Variants in H3-4 observed in about 807,000 individuals in gnomAD.
H3-4 encodes the protein histone H3.1t.
In H3-4, 6 loss-of-function variants were observed where a neutral mutation model predicts 3.8. The observed-to-expected ratio is 1.59, with a 90% CI of 0.87 to 3.13. The LOEUF is 3.13. Among genes scored for constraint, H3-4 ranks in the 30% most tolerant of loss-of-function variants. H3-4 has a pLI of 0.00. For missense variants in H3-4, 298 were observed against 202.4 expected (o/e 1.47, Z -2.87); for synonymous variants, 138 against 86.5 (o/e 1.60, Z -3.30).
In H3-4 at chr1:228,425,348, C is replaced by A; in HGVS notation, c.-23G>T. The A allele has an allele frequency of 1.2e-6, 2 of 1,613,668 alleles. No individual in the cohort carries two copies. Among genetic ancestry groups the A allele is most frequent in the Non-Finnish European group, 1.7e-6 (2 of 1,179,700 alleles). ...CATGAATCCGAAACTGTTGGCCCCG[C>A]GGTGTCCTCTGCCCAGACCTCAGCG... is the stretch of plus-strand genomic sequence containing the variant. On this transcript the variant is annotated 5_prime_UTR_variant, in exon 1 of 1. Transcript: ENST00000366696.
Position 228,424,897 on chromosome 1 carries a change from G to A in H3-4, c.*18C>T, listed in dbSNP as rs1266493220. 8.7e-6 allele frequency: 14 copies of A among 1,614,046 alleles called. No individual in the cohort carries two copies. Among genetic ancestry groups the A allele is most frequent in the Non-Finnish European group, 1.2e-5 (14 of 1,180,008 alleles). ...GGGGTGAACGTTGCGCAACCTCTCAGGTGGCGAGATAGCCCTCCTAGGCCC... is the reference window on the plus strand; with the variant it reads ...GGGGTGAACGTTGCGCAACCTCTCAAGTGGCGAGATAGCCCTCCTAGGCCC... On this transcript the variant is annotated 3_prime_UTR_variant, in exon 1 of 1. Coordinates refer to ENST00000366696, the MANE Select transcript of H3-4 (RefSeq NM_003493.3).
Position 228,425,313 on chromosome 1 carries a change from T to C in H3-4, c.13A>G (p.Lys5Glu), listed in dbSNP as rs1422648667. The change falls in exon 1 of 1, where the codon AAG becomes GAG. Residue 5 changes from lysine to glutamate, a missense_variant. Physicochemically the swap from Lys to Glu is moderately conservative, Grantham distance 56. Transcript: ENST00000366696. MARTKQTARKSTGGK... is the reference protein window; with the variant it reads MARTEQTARKSTGGK... ...CCCGTTGACTTGCGCGCAGTCTGCT[T>C]GGTTCGGGCCATGAATCCGAAACTG... is the stretch of plus-strand genomic sequence containing the variant. 7 of 1,613,778 alleles carry C rather than the reference T, an allele frequency of 4.3e-6. No individual in the cohort carries two copies. The highest frequency in any genetic ancestry group is 2.2e-5 in the South Asian group (2 of 91,088).
In H3-4 at chr1:228,425,340, TG is replaced by T. The variant is rs752866346; in HGVS notation, c.-16del. 1.9e-6 allele frequency: 3 copies of T among 1,613,798 alleles called. No individual in the cohort carries two copies. The highest frequency in any genetic ancestry group is 2.5e-6 in the Non-Finnish European group (3 of 1,179,768). ...GTTCGGGCCATGAATCCGAAACTGT[TG>T]GCCCCGCGGTGTCCTCTGCCCAGAC... On this transcript the variant is annotated 5_prime_UTR_variant, in exon 1 of 1. Transcript: ENST00000366696.
rs554749991 is a variant in H3-4, at chr1:228,424,881, G to A, written c.*34C>T. 48 of 1,613,694 alleles carry A rather than the reference G, an allele frequency of 3.0e-5. No individual in the cohort carries two copies. In the South Asian group the frequency reaches 3.5e-4, roughly 12 times the overall value. On this transcript the variant is annotated 3_prime_UTR_variant, in exon 1 of 1. Coordinates refer to ENST00000366696, the MANE Select transcript of H3-4 (RefSeq NM_003493.3). The stretch of plus-strand genomic sequence containing the variant: ...TCTTAAAAGAGCCTTTGGGGTGAAC[G>A]TTGCGCAACCTCTCAGGTGGCGAGA...
At position 228,425,210 on chromosome 1, in the gene H3-4, G is replaced by A. The variant is rs1275672291; in HGVS notation, c.116C>T (p.Pro39Leu). The A allele has an allele frequency of 2.5e-6, 4 of 1,613,728 alleles. No individual in the cohort carries two copies. The highest frequency in any genetic ancestry group is 1.1e-5 in the South Asian group (1 of 91,062). Reference sequence around the variant, plus strand: ...CACCGTGCCGGGCCGGTAGCGGTGCGGCTTCTTCACGCCGCCAGTGGCAGG... The same window carrying A: ...CACCGTGCCGGGCCGGTAGCGGTGCAGCTTCTTCACGCCGCCAGTGGCAGG... ...SAPATGGVKK[P>L]HRYRPGTVAL... The change falls in exon 1 of 1, where the codon CCG becomes CTG. Residue 39 changes from proline (P) to leucine (L), a missense_variant. Coordinates refer to ENST00000366696, the MANE Select transcript of H3-4 (RefSeq NM_003493.3).
At position 228,425,166 on chromosome 1, in the gene H3-4, G is replaced by C. The variant is rs751462450; in HGVS notation, c.160C>G (p.Arg54Gly). The C allele has an allele frequency of 1.2e-6, 2 of 1,613,894 alleles. No individual in the cohort carries two copies. Among genetic ancestry groups the C allele is most frequent in the Admixed American group, 1.7e-5 (1 of 60,004 alleles). The change falls in exon 1 of 1, where the codon CGC becomes GGC. Residue 54 changes from arginine to glycine, a missense_variant. Arg to Gly is a moderately radical substitution (Grantham distance 125). Transcript: ENST00000366696. The stretch of plus-strand genomic sequence containing the variant: ...AGCAGCTCAGTGGACTTCTGGTAGC[G>C]GCGGATCTCGCGAAGCGCCACCGTG... The part of the protein sequence containing the change: ...PGTVALREIR[R>G]YQKSTELLIR...
Position 228,425,003 on chromosome 1 carries a change from G to C in H3-4, c.323C>G (p.Thr108Ser), listed in dbSNP as rs777690025. The C allele has an allele frequency of 6.2e-7, 1 of 1,614,252 alleles. No individual in the cohort carries two copies. Among genetic ancestry groups the C allele is most frequent in the Non-Finnish European group, 8.5e-7 (1 of 1,180,036 alleles). ...ESYLVGLFED[T>S]NLCVIHAKRV... ...TTTGGCATGGATGACACACAGGTTG[G>C]TGTCCTCAAACAGCCCCACCAGGTA... Residue 108 changes from threonine (T) to serine (S), a missense_variant, in exon 1 of 1, where the codon ACC becomes AGC. By Grantham distance (58) the Thr-to-Ser change is moderately conservative. Transcript: ENST00000366696.
In H3-4 at chr1:228,424,899, T is replaced by G. The variant is rs543240992; in HGVS notation, c.*16A>C. ...GGTGAACGTTGCGCAACCTCTCAGGTGGCGAGATAGCCCTCCTAGGCCCGC... is the reference window on the plus strand; with the variant it reads ...GGTGAACGTTGCGCAACCTCTCAGGGGGCGAGATAGCCCTCCTAGGCCCGC... On this transcript the variant is annotated 3_prime_UTR_variant, in exon 1 of 1. Transcript: ENST00000366696. The G allele has an allele frequency of 3.3e-5, 54 of 1,614,184 alleles. 1 individual carries two copies. The South Asian group carries it at 3.5e-4, about 11-fold the overall frequency.
rs756810829 is a variant in H3-4 at position 228,425,273 on chromosome 1, C to A, written c.53G>T (p.Arg18Leu). 1 of 1,613,690 alleles carries A rather than the reference C, an allele frequency of 6.2e-7. No homozygotes were observed. Among genetic ancestry groups the A allele is most frequent in the Non-Finnish European group, 8.5e-7 (1 of 1,179,812 alleles). The part of the protein sequence containing the change: ...ARKSTGGKAP[R>L]KQLATKVARK... ...AGCCACCTTGGTGGCCAGCTGCTTG[C>A]GCGGCGCCTTGCCACCCGTTGACTT... Residue 18 changes from arginine (R) to leucine (L), a missense_variant, in exon 1 of 1, where the codon CGC (arginine) becomes CTC (leucine). Physicochemically the swap from Arg to Leu is moderately radical, Grantham distance 102. Transcript: ENST00000366696.
rs773584179 is a variant in H3-4 at position 228,425,290 on chromosome 1, C to G, written c.36G>C (p.Thr12=). 3 of 1,613,872 alleles carry G rather than the reference C, an allele frequency of 1.9e-6. No homozygotes were observed. Among genetic ancestry groups the G allele is most frequent in the East Asian group, 2.2e-5 (1 of 44,870 alleles). The change falls in exon 1 of 1, where the codon ACG becomes ACC. Residue 12 remains threonine (T), a synonymous_variant. Transcript: ENST00000366696. The part of the protein sequence containing the change: ...ARTKQTARKS[T]GGKAPRKQLA... ...GCTGCTTGCGCGGCGCCTTGCCACC[C>G]GTTGACTTGCGCGCAGTCTGCTTGG...
Position 228,425,308 on chromosome 1 carries a change from C to G in H3-4, c.18G>C (p.Gln6His), listed in dbSNP as rs1657447449. The change falls in exon 1 of 1, where the codon CAG (glutamine) becomes CAC (histidine). Residue 6 changes from glutamine (Q) to histidine (H), a missense_variant. Gln to His is a conservative substitution (Grantham distance 24). Coordinates refer to ENST00000366696, the MANE Select transcript of H3-4 (RefSeq NM_003493.3). MARTK[Q>H]TARKSTGGKA... ...TGCCACCCGTTGACTTGCGCGCAGT[C>G]TGCTTGGTTCGGGCCATGAATCCGA... 6.2e-7 allele frequency: 1 copy of G among 1,613,816 alleles called. No individual in the cohort carries two copies. The highest frequency in any genetic ancestry group is 8.5e-7 in the Non-Finnish European group (1 of 1,179,844).
rs1177664534 is a variant in H3-4, at chr1:228,425,169, G to T, written c.157C>A (p.Arg53Ser). The T allele has an allele frequency of 1.9e-6, 3 of 1,613,768 alleles. No individual in the cohort carries two copies. Among genetic ancestry groups the T allele is most frequent in the African/African-American group, 1.3e-5 (1 of 74,950 alleles). Residue 53 changes from arginine (R) to serine (S), a missense_variant, in exon 1 of 1, where the codon CGC (arginine) becomes AGC (serine). By Grantham distance (110) the Arg-to-Ser change is moderately radical. Transcript: ENST00000366696. ...RPGTVALREI[R>S]RYQKSTELLI... ...AGCTCAGTGGACTTCTGGTAGCGGC[G>T]GATCTCGCGAAGCGCCACCGTGCCG...
rs747686814 is a variant in H3-4 at position 228,425,203 on chromosome 1, G to A, written c.123C>T (p.Arg41=). 4 of 1,613,934 alleles carry A rather than the reference G, an allele frequency of 2.5e-6. No individual in the cohort carries two copies. Among genetic ancestry groups the A allele is most frequent in the Middle Eastern group, 1.6e-4 (1 of 6,062 alleles). Residue 41 remains arginine, a synonymous_variant, in exon 1 of 1, where the codon CGC becomes CGT. Coordinates refer to ENST00000366696, the MANE Select transcript of H3-4 (RefSeq NM_003493.3). The part of the protein sequence containing the change: ...PATGGVKKPH[R]YRPGTVALRE... ...GAAGCGCCACCGTGCCGGGCCGGTA[G>A]CGGTGCGGCTTCTTCACGCCGCCAG...
In H3-4 at chr1:228,425,267, T is replaced by A; in HGVS notation, c.59A>T (p.Gln20Leu). 1.2e-6 allele frequency: 2 copies of A among 1,613,814 alleles called. No individual in the cohort carries two copies. The highest frequency in any genetic ancestry group is 1.3e-5 in the African/African-American group (1 of 75,054). The change falls in exon 1 of 1, where the codon CAG (glutamine) becomes CTG (leucine). Residue 20 changes from glutamine (Q) to leucine (L), a missense_variant. Physicochemically the swap from Gln to Leu is moderately radical, Grantham distance 113 (BLOSUM62 -2). Transcript: ENST00000366696. ...CTTGCGAGCCACCTTGGTGGCCAGC[T>A]GCTTGCGCGGCGCCTTGCCACCCGT... The part of the protein sequence containing the change: ...KSTGGKAPRK[Q>L]LATKVARKSA...
Position 228,424,948 on chromosome 1 carries a change from C to CTGGA in H3-4, c.374_377dup (p.Gln126HisfsTer?). On this transcript the variant is annotated frameshift_variant, in exon 1 of 1. Transcript: ENST00000366696. LOFTEE classifies it high-confidence loss of function. ...GCTCCCCGCGGATACGGCGTGCCAG[C>CTGGA]TGGATGTCCTTAGGCATGATGGTGA... 1.2e-6 allele frequency: 2 copies of CTGGA among 1,614,202 alleles called. No individual in the cohort carries two copies. Among genetic ancestry groups the CTGGA allele is most frequent in the Non-Finnish European group, 1.7e-6 (2 of 1,180,036 alleles).
At position 228,425,238 on chromosome 1, in the gene H3-4, C is replaced by A. The variant is rs531385963; in HGVS notation, c.88G>T (p.Ala30Ser). Reference protein sequence around the residue: ...QLATKVARKSAPATGGVKKPH... With the variant: ...QLATKVARKSSPATGGVKKPH... Reference sequence around the variant, plus strand: ...TTCTTCACGCCGCCAGTGGCAGGTGCGCTCTTGCGAGCCACCTTGGTGGCC... The same window carrying A: ...TTCTTCACGCCGCCAGTGGCAGGTGAGCTCTTGCGAGCCACCTTGGTGGCC... The change falls in exon 1 of 1, where the codon GCA (alanine) becomes TCA (serine). Residue 30 changes from alanine to serine, a missense_variant. Ala to Ser is a moderately conservative substitution (Grantham distance 99). Transcript: ENST00000366696. The A allele has an allele frequency of 2.5e-6, 4 of 1,612,586 alleles. No homozygotes were observed. Among genetic ancestry groups the A allele is most frequent in the Non-Finnish European group, 3.4e-6 (4 of 1,179,532 alleles).
In H3-4 at chr1:228,425,181, G is replaced by A. The variant is rs752880989; in HGVS notation, c.145C>T (p.Leu49Phe). 15 of 1,614,070 alleles carry A rather than the reference G, an allele frequency of 9.3e-6. No individual in the cohort carries two copies. Among genetic ancestry groups the A allele is most frequent in the African/African-American group, 2.7e-5 (2 of 74,958 alleles). Residue 49 changes from leucine (L) to phenylalanine (F), a missense_variant, in exon 1 of 1, where the codon CTT (leucine) becomes TTT (phenylalanine). Coordinates refer to ENST00000366696, the MANE Select transcript of H3-4 (RefSeq NM_003493.3). Reference protein sequence around the residue: ...PHRYRPGTVALREIRRYQKST... With the variant: ...PHRYRPGTVAFREIRRYQKST... Reference sequence around the variant, plus strand: ...TTCTGGTAGCGGCGGATCTCGCGAAGCGCCACCGTGCCGGGCCGGTAGCGG... The same window carrying A: ...TTCTGGTAGCGGCGGATCTCGCGAAACGCCACCGTGCCGGGCCGGTAGCGG...
rs190039150 is a variant in H3-4 at position 228,425,332 on chromosome 1, G to A, written c.-7C>T. 39 of 1,613,826 alleles carry A rather than the reference G, an allele frequency of 2.4e-5. No individual in the cohort carries two copies. The Admixed American group carries it at 2.7e-4, about 11-fold the overall frequency. ...TCTGCTTGGTTCGGGCCATGAATCC[G>A]AAACTGTTGGCCCCGCGGTGTCCTC... On this transcript the variant is annotated 5_prime_UTR_variant, in exon 1 of 1. Transcript: ENST00000366696.
Position 228,425,293 on chromosome 1 carries a change from T to C in H3-4, c.33A>G (p.Ser11=), listed in dbSNP as rs61741017. Residue 11 remains serine (S), a synonymous_variant, in exon 1 of 1, where the codon TCA becomes TCG. Transcript: ENST00000366696. MARTKQTARK[S]TGGKAPRKQL... is the part of the protein sequence containing the mutation. ...GCTTGCGCGGCGCCTTGCCACCCGT[T>C]GACTTGCGCGCAGTCTGCTTGGTTC... 3.1e-3 allele frequency: 5,067 copies of C among 1,613,888 alleles called. 166 individuals carry two copies. The African/African-American group carries it at 0.06, about 19-fold the overall frequency.
Sources: gnomAD v4.1 joint callset for allele counts on GRCh38, gnomAD v4.1.1 for gene constraint, MANE v1.5 for transcripts, NCBI Gene and HGNC (gene_info 2026-07-23, HGNC 2026-07-21) for gene names.